UFD1: variants seen among roughly 807,000 people sequenced by gnomAD.
UFD1 encodes the protein ubiquitin recognition factor in ER associated degradation 1, also known as ubiquitin recognition factor in ER-associated degradation protein 1.
UFD1 carries 13 observed loss-of-function variants against 45.9 expected under a neutral mutation model. The observed-to-expected ratio is 0.28, with a 90% CI of 0.18 to 0.45. The LOEUF is 0.45. UFD1 is among the 20% of genes least tolerant of loss of function. UFD1 has a pLI of 1.00. For missense variants in UFD1, 218 were observed against 389.2 expected (o/e 0.56, Z 3.70); for synonymous variants, 128 against 139.2 (o/e 0.92, Z 0.56).
intron 11 of UFD1, chr22:19,453,118 G>A: frequency 1.0e-6 from 1 of 985,456 alleles, no homozygotes; most frequent in South Asian, 4.7e-5. Flanking sequence ...CTGGAGTCGA[G>A]CCTCCAGCCT....
At chr22:19,472,714 G>C (rs1224678352) in intron 3 of UFD1, among the ~76,000 whole-genome samples, 1 of 152,164 alleles carries the variant, frequency 6.6e-6, no homozygotes. Flanking sequence ...AGAACAGTCA[G>C]GTAGGTACTA....
intron 5 of UFD1, chr22:19,465,801 TC>T (rs1363412666): frequency 6.6e-6 from 1 of 152,364 alleles, no homozygotes; most frequent in Non-Finnish European, 1.5e-5. Flanking sequence ...ATAGGTCCTC[TC>T]AAAAGTTCCT....
chr22:19,462,876 T>C (rs2089777454), intron 6 of UFD1, among the ~76,000 whole-genome samples: 1 of 152,214 alleles, frequency 6.6e-6, no homozygotes, highest in African/African-American at 2.4e-5. Context: ...TAAAATTCCA[T>C]TGGTAAATAA....
At chr22:19,479,039 C>T (rs1307359578) in intron 1 of UFD1, 44 bp downstream of exon 1, 1 of 1,596,660 alleles carries the variant, frequency 6.3e-7, no homozygotes, top group African/African-American at 1.3e-5. Context: ...ACCTCAGGCC[C>T]CGGGCCAAGG....
At chr22:19,453,822 C>T (rs2089701083) in intron 11 of UFD1, 1 of 985,412 alleles carries the variant, frequency 1.0e-6, no homozygotes. Flanking sequence ...GCAGCTGGTC[C>T]TGAATGGGTG....
At chr22:19,470,937 G>A (rs907305541) in intron 4 of UFD1, 4 of 427,094 alleles carry the variant, frequency 9.4e-6, no homozygotes, top group African/African-American at 8.2e-5. Context: ...TATGCCTGAT[G>A]TAATCCAAGC....
chr22:19,460,022 C>T (rs1045238466), intron 6 of UFD1, among the ~76,000 whole-genome samples: 3 of 151,958 alleles, frequency 2.0e-5, no homozygotes, highest in Admixed American at 6.6e-5. Flanking sequence ...CAGGCATGGG[C>T]CACCATGCCC....
At chr22:19,451,691 T>C in intron 11 of UFD1, 2 of 985,504 alleles carry the variant, frequency 2.0e-6, no homozygotes, top group Non-Finnish European at 2.4e-6. Flanking sequence ...GTTTAGTATT[T>C]ATGTGGTCAC....
rs748804242 is a variant in UFD1, at chr22:19,475,554, G to A, written c.52C>T (p.Arg18Cys). The A allele has an allele frequency of 1.2e-6, 2 of 1,614,154 alleles. No homozygotes were observed. The highest frequency in any genetic ancestry group is 8.5e-7 in the Non-Finnish European group (1 of 1,180,034). Residue 18 changes from arginine to cysteine, a missense_variant, in exon 2 of 12, where the codon CGC becomes TGC. Transcript: ENST00000263202. ...AAGCAGCGGTACTGTGTGGAGAAGCGGTTTTGGAAGACCCTGGGAATAGGG... is the reference window on the plus strand; with the variant it reads ...AAGCAGCGGTACTGTGTGGAGAAGCAGTTTTGGAAGACCCTGGGAATAGGG... ...DHPIPRVFQN[R>C]FSTQYRCFSV...
At chr22:19,453,642 T>G in intron 11 of UFD1, 1 of 985,578 alleles carries the variant, frequency 1.0e-6, no homozygotes, top group Non-Finnish European at 1.2e-6. Context: ...CCACTATGTT[T>G]GCTCCTCTGA....
chr22:19,471,559 C>G (rs2089845751), intron 4 of UFD1, 128 bp downstream of exon 4: 1 of 1,379,162 alleles, frequency 7.3e-7, no homozygotes. Flanking sequence ...CTCGCTGGGT[C>G]GGCTCAGGCT....
Position 19,479,161 on chromosome 22 carries a change from G to GA in UFD1, c.-77_-76insT, listed in dbSNP as rs2089927507. 6.4e-7 allele frequency: 1 copy of GA among 1,565,714 alleles called. No individual in the cohort carries two copies. The highest frequency in any genetic ancestry group is 1.4e-5 in the African/African-American group (1 of 73,356). ...AACCCCGCCGACCGCTCTCCCAGCC[G>GA]CCGCTGCCGCTGCCGCCGCGCCAAG... On this transcript the variant is annotated 5_prime_UTR_variant, in exon 1 of 12. Transcript: ENST00000263202.
At chr22:19,463,998 T>C (rs1357635682) in intron 6 of UFD1, among the ~76,000 whole-genome samples, 1 of 152,184 alleles carries the variant, frequency 6.6e-6, no homozygotes, top group Non-Finnish European at 1.5e-5. Flanking sequence ...TTATAAAAGC[T>C]TAGAGTATTC....
At chr22:19,474,297 A>C (rs2089865851) in intron 3 of UFD1, among the ~76,000 whole-genome samples, 1 of 152,078 alleles carries the variant, frequency 6.6e-6, no homozygotes, top group Non-Finnish European at 1.5e-5. Context: ...ATAATCCCAT[A>C]ACTTTGGGAG....
At chr22:19,468,978 G>A (rs1479407595) in intron 4 of UFD1, among the ~76,000 whole-genome samples, 1 of 152,220 alleles carries the variant, frequency 6.6e-6, no homozygotes, top group African/African-American at 2.4e-5. Context: ...TGAGGCCGAG[G>A]CTGTGCCTGG....
At chr22:19,454,342 C>T in intron 11 of UFD1, 2 of 1,012,676 alleles carry the variant, frequency 2.0e-6, no homozygotes, top group Middle Eastern at 4.7e-4. Context: ...CTTGAATTAC[C>T]ACGTGTTGTG....
Position 19,454,833 on chromosome 22 carries a change from G to A in UFD1, c.768-3C>T, listed in dbSNP as rs760675798. On this transcript the variant is annotated splice_region_variant and splice_polypyrimidine_tract_variant and intron_variant, in intron 10 of 11. Transcript: ENST00000263202. ...TAAATTCATAATTGGGAATTCCTCT[G>A]TAAGAAGAGACAGAGACAGAGAAAT... The A allele has an allele frequency of 6.2e-7, 1 of 1,612,824 alleles. No homozygotes were observed. The highest frequency in any genetic ancestry group is 1.7e-5 in the Admixed American group (1 of 59,830).
At chr22:19,467,618 C>T in intron 5 of UFD1, 1 of 438,934 alleles carries the variant, frequency 2.3e-6, no homozygotes, top group East Asian at 5.2e-5. Context: ...TGACACAGAC[C>T]AACTGAAAGA....
At position 19,465,187 on chromosome 22, in the gene UFD1, A is replaced by G; in HGVS notation, c.495+15T>C. On this transcript the variant is annotated intron_variant, in intron 6 of 11. Coordinates refer to ENST00000263202, the MANE Select transcript of UFD1 (RefSeq NM_005659.7). The stretch of plus-strand genomic sequence containing the variant: ...GTGGCTCTTGTCAGGAATGACCTGC[A>G]TGAACTGGGCTCACCTTTTCATTAT... 6.2e-7 allele frequency: 1 copy of G among 1,613,940 alleles called. No individual in the cohort carries two copies. Among genetic ancestry groups the G allele is most frequent in the Non-Finnish European group, 8.5e-7 (1 of 1,179,778 alleles).
Sources: allele counts gnomAD v4.1 joint callset (sites outside exome capture counted in the v4.1 genomes callset), GRCh38; gene constraint gnomAD v4.1.1; transcripts MANE v1.5; gene names NCBI Gene and HGNC (gene_info 2026-07-23, HGNC 2026-07-21).